LARS2: variants seen among roughly 807,000 people sequenced by gnomAD.
LARS2 encodes the protein leucyl-tRNA synthetase 2, mitochondrial, also known as leucine--tRNA ligase, mitochondrial.
In LARS2, 81 loss-of-function variants were observed where a neutral mutation model predicts 116.6. The observed-to-expected ratio is 0.69, with a 90% CI of 0.58 to 0.84. The LOEUF (loss-of-function observed/expected upper bound fraction) is 0.84, where lower values mean the gene tolerates loss of function less well. Among genes scored for constraint, LARS2 ranks in the 40% least tolerant of loss-of-function variants. LARS2 has a pLI of 0.00. For synonymous variants in LARS2, 396 were observed against 407.2 expected, an observed-to-expected ratio of 0.97 and a Z score of 0.33; for missense variants, 968 against 1,114.5, an observed-to-expected ratio of 0.87 and a Z score of 1.87.
intron 6 of LARS2, among the ~76,000 whole-genome samples, chr3:45,435,932 A>G (rs1375767346): frequency 6.7e-6 from 1 of 148,894 alleles, no homozygotes; most frequent in Non-Finnish European, 1.5e-5. Context: ...GTGTGGTTTC[A>G]AAAATCCCTC....
At chr3:45,481,944 G>A (rs371319529) in intron 10 of LARS2, among the ~76,000 whole-genome samples, 1 of 152,154 alleles carries the variant, frequency 6.6e-6, no homozygotes, top group African/African-American at 2.4e-5. Context: ...AGATTTATAC[G>A]TATTTTATTT....
chr3:45,393,653 G>C (rs777051501), intron 2 of LARS2, among the ~76,000 whole-genome samples: 1 of 151,688 alleles, frequency 6.6e-6, no homozygotes, highest in Non-Finnish European at 1.5e-5. Flanking sequence ...TTAGAACAAC[G>C]TGTGGGCCTA....
intron 4 of LARS2, among the ~76,000 whole-genome samples, chr3:45,400,868 C>T (rs1698134587): frequency 6.6e-6 from 1 of 151,754 alleles, no homozygotes; most frequent in Non-Finnish European, 1.5e-5. Flanking sequence ...GGCTGGAGTG[C>T]AGTGACGCAG....
chr3:45,529,338 G>A (rs62243394), intron 20 of LARS2, among the ~76,000 whole-genome samples: 17,650 of 152,062 alleles, frequency 0.12, 1,423 homozygotes, highest in East Asian at 0.25. Flanking sequence ...AGGCTGAGGT[G>A]GGCTGATCAC....
At chr3:45,445,352 T>A (rs572699324) in intron 6 of LARS2, among the ~76,000 whole-genome samples, 4 of 152,320 alleles carry the variant, frequency 2.6e-5, no homozygotes, top group African/African-American at 9.6e-5. Flanking sequence ...ACAAGTTCTG[T>A]GCCATGCTAG....
chr3:45,472,899 G>A (rs1041423585), intron 8 of LARS2, among the ~76,000 whole-genome samples: 4 of 152,194 alleles, frequency 2.6e-5, no homozygotes, highest in Admixed American at 6.5e-5. Context: ...AAAAGTGCCT[G>A]GTACTTAGGA....
chr3:45,534,607 C>T (rs1349600398), intron 20 of LARS2, among the ~76,000 whole-genome samples: 1 of 152,162 alleles, frequency 6.6e-6, no homozygotes, highest in Non-Finnish European at 1.5e-5. Flanking sequence ...TAGAGTTCCC[C>T]TGAGAGGCTG....
intron 4 of LARS2, among the ~76,000 whole-genome samples, chr3:45,405,962 G>T (rs1698226594): frequency 6.6e-6 from 1 of 152,056 alleles, no homozygotes; most frequent in Non-Finnish European, 1.5e-5. Context: ...ACCTCAAAGA[G>T]GGTAAAGAAT....
intron 18 of LARS2, among the ~76,000 whole-genome samples, chr3:45,519,427 G>A (rs546029312): frequency 1.0e-3 from 148 of 147,276 alleles, no homozygotes; most frequent in South Asian, 1.8e-3. Context: ...GGAGGCAGAG[G>A]TTGCAGTGAG....
intron 2 of LARS2, among the ~76,000 whole-genome samples, chr3:45,393,760 G>A (rs577515462): frequency 6.6e-6 from 1 of 152,058 alleles, no homozygotes; most frequent in Non-Finnish European, 1.5e-5. Flanking sequence ...GGAGTCAGAG[G>A]TTACACTGAG....
chr3:45,524,826 G>T (rs192265678), intron 20 of LARS2, among the ~76,000 whole-genome samples: 75 of 152,296 alleles, frequency 4.9e-4, no homozygotes, highest in African/African-American at 1.8e-3. Context: ...TACTGATGTG[G>T]TGTCACAGAG....
Position 45,547,351 on chromosome 3 carries a change from A to T in LARS2, c.2533A>T (p.Ile845Phe). 6.2e-7 allele frequency: 1 copy of T among 1,603,156 alleles called. No individual in the cohort carries two copies. Residue 845 changes from isoleucine to phenylalanine, a missense_variant and splice_region_variant, in exon 22 of 22, where the codon ATC becomes TTC. Physicochemically the swap from Ile to Phe is conservative, Grantham distance 21 (BLOSUM62 0). Transcript: ENST00000645846. The part of the protein sequence containing the change: ...QPEVVQMAVL[I>F]NNKACGKIPV... ...TTATCTTGGCTTTTCTCCTTCTCAGATCAACAATAAAGCTTGTGGCAAAAT... is the reference window on the plus strand; with the variant it reads ...TTATCTTGGCTTTTCTCCTTCTCAGTTCAACAATAAAGCTTGTGGCAAAAT...
chr3:45,520,453 A>G (rs912817857), intron 19 of LARS2, among the ~76,000 whole-genome samples, 157 bp downstream of exon 19: 5 of 152,158 alleles, frequency 3.3e-5, no homozygotes, highest in African/African-American at 1.2e-4. Flanking sequence ...CATAGTCACA[A>G]CCTAGTTTTA....
chr3:45,501,963 ATAG>A (rs1253206938), intron 15 of LARS2, among the ~76,000 whole-genome samples: 1 of 152,008 alleles, frequency 6.6e-6, no homozygotes, highest in Non-Finnish European at 1.5e-5. Context: ...TTGCAGGTAC[ATAG>A]TAGGTGTATA....
At chr3:45,538,861 C>A (rs1700750183) in intron 20 of LARS2, among the ~76,000 whole-genome samples, 1 of 152,230 alleles carries the variant, frequency 6.6e-6, no homozygotes, top group Non-Finnish European at 1.5e-5. Context: ...AGATAAGGAG[C>A]TTGTGCTAGC....
intron 21 of LARS2, among the ~76,000 whole-genome samples, chr3:45,545,465 G>T (rs1043937244): frequency 6.6e-6 from 1 of 152,238 alleles, no homozygotes; most frequent in Non-Finnish European, 1.5e-5. Flanking sequence ...CTCAGGCTCA[G>T]TGTTGAGTCC....
chr3:45,537,399 G>A (rs974177930), intron 20 of LARS2, among the ~76,000 whole-genome samples: 5 of 152,168 alleles, frequency 3.3e-5, no homozygotes, highest in Non-Finnish European at 7.3e-5. Flanking sequence ...TGTAGCTATT[G>A]TGTTTTGCTG....
intron 20 of LARS2, among the ~76,000 whole-genome samples, chr3:45,527,953 C>T (rs189914174): frequency 1.3e-5 from 2 of 152,284 alleles, no homozygotes; most frequent in Admixed American, 1.3e-4. Context: ...AGACCAGTTC[C>T]CAGATGATAA....
intron 3 of LARS2, among the ~76,000 whole-genome samples, chr3:45,399,289 G>A (rs553804924): frequency 2.0e-5 from 3 of 152,136 alleles, no homozygotes; most frequent in Non-Finnish European, 4.4e-5. Flanking sequence ...CTAAACCTAC[G>A]TCAGAATGCA....
Sources: allele counts gnomAD v4.1 joint callset (sites outside exome capture counted in the v4.1 genomes callset), GRCh38; gene constraint gnomAD v4.1.1; transcripts MANE v1.5; gene names NCBI Gene and HGNC (gene_info 2026-07-23, HGNC 2026-07-21).